The following TDP1 variants were observed in gnomAD, a reference collection of about 807,000 sequenced individuals.
TDP1 encodes tyr-DNA phosphodiesterase 1.
A neutral mutation model predicts 81.5 loss-of-function variants in TDP1; 64 were observed. The observed-to-expected ratio is 0.79, with a 90% CI of 0.64 to 0.97. TDP1 has a LOEUF of 0.97. TDP1 is among the 50% of genes least tolerant of loss of function. TDP1 has a pLI of 0.00. For synonymous variants in TDP1, 256 were observed against 264.3 expected, an observed-to-expected ratio of 0.97 and a Z score of 0.30; for missense variants, 723 against 743.8, an observed-to-expected ratio of 0.97 and a Z score of 0.33.
At position 89,988,943 on chromosome 14, in the gene TDP1, G is replaced by A; in HGVS notation, c.1170G>A (p.Glu390=). ...KDHASSMPNA[E]SWPVVGQFSS... ...ATGCCTCATCCATGCCTAACGCAGA[G>A]TCCTGGCCTGTCGTAGGTCAGTTTT... Residue 390 remains glutamate (E), a synonymous_variant, in exon 11 of 17, where the codon GAG becomes GAA. Transcript: ENST00000335725. 1 of 1,614,192 alleles carries A rather than the reference G, an allele frequency of 6.2e-7. No individual in the cohort carries two copies. Among genetic ancestry groups the A allele is most frequent in the Middle Eastern group, 1.6e-4 (1 of 6,062 alleles).
intron 16 of TDP1, among the ~76,000 whole-genome samples, chr14:90,035,142 C>T (rs1257840457): frequency 6.6e-6 from 1 of 152,232 alleles, no homozygotes; most frequent in Non-Finnish European, 1.5e-5. Flanking sequence ...TCTCAGCTTT[C>T]ATAGTAAACC....
At chr14:90,032,910 T>A (rs867104557) in intron 15 of TDP1, 196 bp from the exon 16 acceptor site, 8 of 959,822 alleles carry the variant, frequency 8.3e-6, no homozygotes, top group Middle Eastern at 5.3e-4. Flanking sequence ...TTAAAGCTCT[T>A]ATGTTTAGAA....
chr14:90,005,915 A>G (rs1897636377), intron 14 of TDP1, among the ~76,000 whole-genome samples: 1 of 152,190 alleles, frequency 6.6e-6, no homozygotes, highest in African/African-American at 2.4e-5. Context: ...AATTTTTGTC[A>G]TTTTGGATTA....
chr14:90,019,375 T>TAA lies in TDP1; in HGVS notation c.1601_1602insAA (p.Arg535ThrfsTer17), dbSNP rs1885701317. On this transcript the variant is annotated frameshift_variant, in exon 15 of 17. Coordinates refer to ENST00000335725, the MANE Select transcript of TDP1 (RefSeq NM_018319.4). LOFTEE classifies it high-confidence loss of function. ...GAGAAGAATGGCACCCAGCTGATGA[T>TAA]CCGCTCCTACGAGCTCGGGGTCCTT... is the stretch of plus-strand genomic sequence containing the variant. 6.2e-7 allele frequency: 1 copy of TAA among 1,613,142 alleles called. No individual in the cohort carries two copies. The highest frequency in any genetic ancestry group is 1.3e-5 in the African/African-American group (1 of 74,890).
At chr14:89,991,738 AG>A (rs1896205052) in intron 12 of TDP1, 178 bp from the exon 13 acceptor site, 11 of 838,302 alleles carry the variant, frequency 1.3e-5, no homozygotes, top group Non-Finnish European at 1.6e-5. Flanking sequence ...AACCTCGTTA[AG>A]AGAACATATC....
At chr14:90,024,130 G>C (rs35733259) in intron 15 of TDP1, among the ~76,000 whole-genome samples, 8,327 of 152,162 alleles carry the variant, frequency 0.055, 372 homozygotes, top group African/African-American at 0.12. Context: ...TTACCTGCTG[G>C]AGATCCTGTA....
At chr14:89,977,714 T>C (rs1355290727) in intron 7 of TDP1, among the ~76,000 whole-genome samples, 1 of 152,232 alleles carries the variant, frequency 6.6e-6, no homozygotes, top group Admixed American at 6.5e-5. Context: ...GACAAACATG[T>C]GAATTAGAAA....
intron 7 of TDP1, among the ~76,000 whole-genome samples, chr14:89,978,421 G>C (rs1278383482): frequency 1.3e-5 from 2 of 152,222 alleles, no homozygotes; most frequent in African/African-American, 4.8e-5. Flanking sequence ...GCACCTGGTA[G>C]AGAGGTGCTT....
intron 15 of TDP1, among the ~76,000 whole-genome samples, chr14:90,026,765 C>G (rs1886708685): frequency 6.6e-6 from 1 of 152,188 alleles, no homozygotes; most frequent in Non-Finnish European, 1.5e-5. Flanking sequence ...CAGCTTCATC[C>G]ATGTCCCTAC....
At chr14:89,999,145 T>C (rs1896980467) in intron 14 of TDP1, among the ~76,000 whole-genome samples, 1 of 152,194 alleles carries the variant, frequency 6.6e-6, no homozygotes. Context: ...CCATGCATTA[T>C]AAGTTATTTA....
At position 90,042,352 on chromosome 14, in the gene TDP1, A is replaced by G. The variant is rs35837533; in HGVS notation, c.1754-718A>G. Among the ~76,000 whole-genome samples, 890 of 152,198 alleles carry G rather than the reference A, an allele frequency of 5.8e-3. 4 individuals carry two copies. The highest frequency in any genetic ancestry group is 0.01 in the Middle Eastern group (3 of 294). On this transcript the variant is annotated intron_variant, in intron 16 of 16. Coordinates refer to ENST00000335725, the MANE Select transcript of TDP1 (RefSeq NM_018319.4). ...TTTCTGTCTGCCAGATACAATGTCT[A>G]TGTGGATTTTTCTCAGTCCTCGTGA...
At chr14:90,016,508 C>T (rs1397627807) in intron 14 of TDP1, among the ~76,000 whole-genome samples, 2 of 152,200 alleles carry the variant, frequency 1.3e-5, no homozygotes. Flanking sequence ...TCCACACCTC[C>T]AGTGCCAGAG....
chr14:90,024,780 T>C (rs1265822977), intron 15 of TDP1, among the ~76,000 whole-genome samples: 1 of 152,240 alleles, frequency 6.6e-6, no homozygotes, highest in East Asian at 1.9e-4. Flanking sequence ...CTAAAATGTT[T>C]ACTGACAAGA....
Position 89,989,744 on chromosome 14 carries a change from A to G in TDP1, c.1345A>G (p.Thr449Ala). The G allele has an allele frequency of 6.2e-7, 1 of 1,611,490 alleles. No individual in the cohort carries two copies. ...CTATCCTTCTGTGGAAAATGTGCGG[A>G]CCAGTTTAGAAGGATATCCTGGTAA... Reference protein sequence around the residue: ...LIYPSVENVRTSLEGYPAGGS... With the variant: ...LIYPSVENVRASLEGYPAGGS... Residue 449 changes from threonine (T) to alanine (A), a missense_variant, in exon 12 of 17, where the codon ACC becomes GCC. Physicochemically the swap from Thr to Ala is moderately conservative, Grantham distance 58. Transcript: ENST00000335725.
intron 15 of TDP1, among the ~76,000 whole-genome samples, chr14:90,030,083 GT>G (rs1293081454): frequency 1.3e-5 from 2 of 152,226 alleles, no homozygotes; most frequent in African/African-American, 4.8e-5. Context: ...CACACAGCAA[GT>G]AAGCAGTCTG....
chr14:90,039,922 G>A (rs1020063844), intron 16 of TDP1, among the ~76,000 whole-genome samples: 3 of 152,110 alleles, frequency 2.0e-5, no homozygotes, highest in Non-Finnish European at 4.4e-5. Flanking sequence ...GAGTAACTTG[G>A]TCAAGGCCCC....
intron 11 of TDP1, chr14:89,989,299 G>A (rs1895926769): frequency 1.0e-6 from 1 of 985,118 alleles, no homozygotes; most frequent in African/African-American, 1.7e-5. Flanking sequence ...AGTGCTAAGA[G>A]CTTGCCGATT....
rs776336748 is a variant in TDP1 at position 89,991,976 on chromosome 14, T to G, written c.1426T>G (p.Tyr476Asp). ...TGAAAAACAGAATTGGCTGCATTCC[T>G]ATTTTCAGTAAGTAATTGGTTTAGA... is the stretch of plus-strand genomic sequence containing the variant. ...TAEKQNWLHS[Y>D]FHKWSAETSG... is the part of the protein sequence containing the mutation. Residue 476 changes from tyrosine to aspartate, a missense_variant, in exon 13 of 17, where the codon TAT (tyrosine) becomes GAT (aspartate). Transcript: ENST00000335725. 4 of 1,612,350 alleles carry G rather than the reference T, an allele frequency of 2.5e-6. No homozygotes were observed. Among genetic ancestry groups the G allele is most frequent in the Non-Finnish European group, 2.5e-6 (3 of 1,179,218 alleles).
chr14:89,966,216 T>C, intron 4 of TDP1, 26 bp downstream of exon 4: 1 of 1,531,168 alleles, frequency 6.5e-7, no homozygotes, highest in Non-Finnish European at 9.1e-7. Flanking sequence ...AGCTGTTTTT[T>C]CTTTGGGTGA....
Sources: gnomAD v4.1 joint callset for allele counts (sites outside exome capture counted in the v4.1 genomes callset) on GRCh38, gnomAD v4.1.1 for gene constraint, MANE v1.5 for transcripts, NCBI Gene and HGNC (gene_info 2026-07-23, HGNC 2026-07-21) for gene names.